The following KHDRBS3 variants were observed in gnomAD, a reference collection of about 807,000 sequenced individuals.
KHDRBS3 encodes the protein KH domain-containing, RNA-binding, signal transduction-associated protein 3.
Under a neutral mutation model 45.6 loss-of-function variants are expected in KHDRBS3, and 23 were observed. The observed-to-expected ratio is 0.50, with a 90% CI of 0.36 to 0.72. The LOEUF (loss-of-function observed/expected upper bound fraction) is 0.72. KHDRBS3 is among the 30% of genes least tolerant of loss of function. KHDRBS3 has a pLI of 0.00. For synonymous variants in KHDRBS3, 162 were observed against 156.5 expected (o/e 1.04, Z -0.26); for missense variants, 352 against 424.8 (o/e 0.83, Z 1.51).
intron 3 of KHDRBS3, among the ~76,000 whole-genome samples, chr8:135,547,720 G>T (rs1427522330): frequency 6.6e-6 from 1 of 152,154 alleles, no homozygotes; most frequent in Non-Finnish European, 1.5e-5. Flanking sequence ...AATTCCTGGG[G>T]TTCTCTTGGT....
chr8:135,487,773 A>C (rs1035391941), intron 1 of KHDRBS3, among the ~76,000 whole-genome samples: 1 of 152,196 alleles, frequency 6.6e-6, no homozygotes, highest in African/African-American at 2.4e-5. Context: ...GGCTGCTGTA[A>C]GGAAGGGAGA....
chr8:135,500,455 G>T (rs1448092608), intron 1 of KHDRBS3, among the ~76,000 whole-genome samples: 2 of 152,116 alleles, frequency 1.3e-5, no homozygotes, highest in Non-Finnish European at 1.5e-5. Context: ...TTTTAAATGC[G>T]AGAACAGAGG....
intron 3 of KHDRBS3, among the ~76,000 whole-genome samples, chr8:135,543,451 G>C (rs1275338982): frequency 6.6e-6 from 1 of 151,986 alleles, no homozygotes. Context: ...TTATATTACT[G>C]AGAACCAAAT....
At chr8:135,605,888 T>C (rs1467641016) in intron 6 of KHDRBS3, among the ~76,000 whole-genome samples, 2 of 152,174 alleles carry the variant, frequency 1.3e-5, no homozygotes, top group Non-Finnish European at 2.9e-5. Flanking sequence ...GACATACTTT[T>C]GTGAGTTTTT....
chr8:135,567,877 C>A (rs577633815), intron 5 of KHDRBS3, among the ~76,000 whole-genome samples: 112 of 152,320 alleles, frequency 7.4e-4, no homozygotes, highest in Non-Finnish European at 2.4e-4. Flanking sequence ...TAAAAAATTT[C>A]TTTCTTTGCC....
chr8:135,534,229 A>G (rs1825623768), intron 2 of KHDRBS3, among the ~76,000 whole-genome samples: 1 of 151,048 alleles, frequency 6.6e-6, no homozygotes. Context: ...TTTTTTTTTA[A>G]CATTTTTAGA....
chr8:135,544,626 G>A (rs1387504724), intron 3 of KHDRBS3, among the ~76,000 whole-genome samples: 2 of 152,152 alleles, frequency 1.3e-5, no homozygotes, highest in Non-Finnish European at 2.9e-5. Flanking sequence ...GACTGCTGGG[G>A]ATTAAGGTGC....
At chr8:135,470,519 G>A (rs993295252) in intron 1 of KHDRBS3, among the ~76,000 whole-genome samples, 1 of 151,188 alleles carries the variant, frequency 6.6e-6, no homozygotes, top group Non-Finnish European at 1.5e-5. Context: ...TCGATTGATT[G>A]TATTCTGGAT....
chr8:135,487,771 TAAGG>T (rs1402515645), intron 1 of KHDRBS3, among the ~76,000 whole-genome samples: 3 of 152,120 alleles, frequency 2.0e-5, no homozygotes, highest in Non-Finnish European at 4.4e-5. Flanking sequence ...ATGGCTGCTG[TAAGG>T]AAGGGAGAGA....
intron 6 of KHDRBS3, among the ~76,000 whole-genome samples, chr8:135,595,634 A>G (rs1828939391): frequency 6.6e-6 from 1 of 152,232 alleles, no homozygotes; most frequent in African/African-American, 2.4e-5. Context: ...TGTGAATTAC[A>G]TGTGCCTTCT....
chr8:135,460,902 A>G (rs141132648), intron 1 of KHDRBS3, among the ~76,000 whole-genome samples: 54 of 152,290 alleles, frequency 3.5e-4, no homozygotes, highest in African/African-American at 1.2e-3. Flanking sequence ...AGATTGATCA[A>G]CTTCCTAACT....
At chr8:135,602,469 T>G (rs554749463) in intron 6 of KHDRBS3, among the ~76,000 whole-genome samples, 66 of 152,318 alleles carry the variant, frequency 4.3e-4, no homozygotes, top group African/African-American at 1.6e-3. Flanking sequence ...CCTAAACAAT[T>G]TGAAAATTCA....
In KHDRBS3 at chr8:135,631,288, T is replaced by C. The variant is rs76776333; in HGVS notation, c.891-13771T>C. 2.6e-4 allele frequency among the ~76,000 whole-genome samples: 38 copies of C among 146,304 alleles called. No homozygotes were observed. In the East Asian group the frequency reaches 7.0e-3, roughly 27 times the overall value. On this transcript the variant is annotated intron_variant, in intron 7 of 8. Transcript: ENST00000355849. ...AAAAAAAAAAAGGATTTTTCTTCAA[T>C]AATAAATTAACAGCTTACTATAACT...
chr8:135,517,015 TA>T (rs2130625817), intron 1 of KHDRBS3, among the ~76,000 whole-genome samples: 1 of 152,220 alleles, frequency 6.6e-6, no homozygotes, highest in Admixed American at 6.5e-5. Flanking sequence ...TCTGGTACCT[TA>T]AAAAGGAAAA....
intron 2 of KHDRBS3, among the ~76,000 whole-genome samples, chr8:135,530,650 T>C (rs1209160312): frequency 6.6e-6 from 1 of 152,188 alleles, no homozygotes; most frequent in Non-Finnish European, 1.5e-5. Context: ...AGATTTGCCA[T>C]GTCCGTATCT....
intron 1 of KHDRBS3, among the ~76,000 whole-genome samples, chr8:135,499,016 T>G (rs888444988): frequency 6.6e-6 from 1 of 152,238 alleles, no homozygotes; most frequent in African/African-American, 2.4e-5. Flanking sequence ...ATTTACTGAC[T>G]TAATATTTCT....
intron 2 of KHDRBS3, chr8:135,542,151 A>G (rs1285906436): frequency 6.6e-6 from 1 of 152,244 alleles, no homozygotes; most frequent in Non-Finnish European, 1.5e-5. Flanking sequence ...ATTTTATTGT[A>G]AAGCTTCCAT....
intron 6 of KHDRBS3, among the ~76,000 whole-genome samples, chr8:135,606,227 C>A (rs2131024811): frequency 6.6e-6 from 1 of 152,038 alleles, no homozygotes; most frequent in Non-Finnish European, 1.5e-5. Flanking sequence ...CTTTTCTGGG[C>A]ATGGATATGG....
chr8:135,639,248 A>G (rs1276382649), intron 7 of KHDRBS3, among the ~76,000 whole-genome samples: 2 of 152,230 alleles, frequency 1.3e-5, no homozygotes, highest in East Asian at 3.8e-4. Flanking sequence ...CCTAGAAACT[A>G]AAAGAGAGGA....
Sources: gnomAD v4.1 joint callset for allele counts (sites outside exome capture counted in the v4.1 genomes callset) on GRCh38, gnomAD v4.1.1 for gene constraint, MANE v1.5 for transcripts, NCBI Gene and HGNC (gene_info 2026-07-23, HGNC 2026-07-21) for gene names.